The following UGT3A1 variants were observed in gnomAD, a reference collection of about 807,000 sequenced individuals.
UGT3A1 encodes UDP glycosyltransferase family 3 member A1.
UGT3A1 carries 40 observed loss-of-function variants against 37.6 expected under a neutral mutation model. The ratio of observed to expected loss-of-function variants is 1.06; its 90% CI spans 0.83 to 1.38. The LOEUF (loss-of-function observed/expected upper bound fraction) is 1.38. Ranked by LOEUF, UGT3A1 falls within the 40% of genes most tolerant of loss-of-function variation. UGT3A1 has a pLI of 0.00. For missense variants in UGT3A1, 642 were observed against 634.2 expected, an observed-to-expected ratio of 1.01 and a Z score of -0.13; for synonymous variants, 256 against 232.3, an observed-to-expected ratio of 1.10 and a Z score of -0.93.
At chr5:35,967,089 T>C (rs1739837321) in intron 3 of UGT3A1, among the ~76,000 whole-genome samples, 1 of 152,142 alleles carries the variant, frequency 6.6e-6, no homozygotes, top group Admixed American at 6.5e-5. Context: ...TCCCAGTAAC[T>C]TAGAAAATAT....
intron 2 of UGT3A1, among the ~76,000 whole-genome samples, chr5:35,972,372 A>C (rs1482588005): frequency 6.6e-6 from 1 of 152,138 alleles, no homozygotes; most frequent in Non-Finnish European, 1.5e-5. Context: ...CAGAGGAAAA[A>C]AAAAATTCTG....
chr5:35,979,007 A>T (rs555290839), intron 2 of UGT3A1, among the ~76,000 whole-genome samples: 181 of 152,216 alleles, frequency 1.2e-3, no homozygotes, highest in African/African-American at 4.1e-3. Context: ...CTCCAAAATG[A>T]TCTCCTTTGA....
intron 2 of UGT3A1, among the ~76,000 whole-genome samples, chr5:35,987,394 A>G (rs775136878): frequency 1.3e-5 from 2 of 152,212 alleles, no homozygotes; most frequent in Non-Finnish European, 2.9e-5. Context: ...AAAGCTGAAC[A>G]GATTCATGAA....
At chr5:35,986,848 A>G (rs1473051234) in intron 2 of UGT3A1, among the ~76,000 whole-genome samples, 1 of 152,142 alleles carries the variant, frequency 6.6e-6, no homozygotes, top group East Asian at 1.9e-4. Context: ...TAGAATAAAG[A>G]AAAAACAAAT....
chr5:35,991,491 G>T (rs1361858883), upstream of UGT3A1: 8 of 1,314,696 alleles, frequency 6.1e-6, no homozygotes, highest in East Asian at 1.8e-4. Context: ...GGAGGGGGTT[G>T]GTAACCTGAT....
chr5:35,955,805 T>A lies in UGT3A1; in HGVS notation c.1135A>T (p.Ile379Phe). The change falls in exon 6 of 7, where the codon ATC (isoleucine) becomes TTC (phenylalanine). Residue 379 changes from isoleucine (I) to phenylalanine (F), a missense_variant. Transcript: ENST00000274278. ...HGGQNSVMEA[I>F]RHGVPMVGLP... ...CCCACCATGGGCACACCATGACGGA[T>A]GGCCTCCATTACGCTGTTCTGCCCA... The A allele has an allele frequency of 6.2e-7, 1 of 1,614,236 alleles. No individual in the cohort carries two copies. Among genetic ancestry groups the A allele is most frequent in the Non-Finnish European group, 8.5e-7 (1 of 1,180,050 alleles).
In UGT3A1 at chr5:35,961,523, C is replaced by A. The variant is rs542747297; in HGVS notation, c.843+3863G>T. 15 of 152,258 alleles carry A rather than the reference C, an allele frequency of 9.9e-5. 1 individual carries two copies. The South Asian group carries it at 2.9e-3, about 29-fold the overall frequency. 9.4% of individuals were successfully genotyped at this position (152,258 alleles called of 1,614,324 possible). On this transcript the variant is annotated intron_variant, in intron 4 of 6. Transcript: ENST00000274278. ...CCATTCTGCTTTGAGCTGTTTCACC[C>A]TGGTGAAAGAAATTAAACCTTGTAT...
intron 6 of UGT3A1, chr5:35,954,870 T>C (rs1237690001): frequency 5.7e-6 from 1 of 175,584 alleles, no homozygotes; most frequent in African/African-American, 2.4e-5. Flanking sequence ...CAGTCCTTCT[T>C]GATTATAAGA....
intron 1 of UGT3A1, among the ~76,000 whole-genome samples, chr5:36,000,468 C>G (rs1028914191): frequency 6.6e-6 from 1 of 152,154 alleles, no homozygotes; most frequent in African/African-American, 2.4e-5. Flanking sequence ...AGGTCCCATA[C>G]CAGGTACCAT....
At chr5:35,999,100 G>A (rs912098378) in intron 1 of UGT3A1, among the ~76,000 whole-genome samples, 1 of 151,938 alleles carries the variant, frequency 6.6e-6, no homozygotes, top group Non-Finnish European at 1.5e-5. Flanking sequence ...AGCCGGGCAT[G>A]GTGGCCGGCG....
Position 35,977,096 on chromosome 5 carries a change from G to C in UGT3A1, c.197-8963C>G, listed in dbSNP as rs1740316704. On this transcript the variant is annotated intron_variant, in intron 2 of 6. Transcript: ENST00000274278. ...AAGAAAAGAAAGAAAGAAAGAGAAA[G>C]AAAGAAAGAGAAAGAGAGAAAGAAA... Among the ~76,000 whole-genome samples the C allele has an allele frequency of 3.6e-5, 2 of 55,186 alleles. 1 individual carries two copies. The highest frequency in any genetic ancestry group is 8.4e-5 in the Non-Finnish European group (2 of 23,748). The allele number at this position is 55,186 out of a possible 152,430, so 36.2% of individuals were successfully genotyped here. A position where few individuals can be genotyped will look rare whatever the true frequency, so the allele number is the denominator to read the frequency against.
chr5:35,987,123 A>T (rs996402088), intron 2 of UGT3A1, among the ~76,000 whole-genome samples: 7 of 152,146 alleles, frequency 4.6e-5, no homozygotes, highest in African/African-American at 1.7e-4. Flanking sequence ...CCCTGAAGTC[A>T]TTTATTTATT....
chr5:35,956,630 G>A (rs1014935991), intron 5 of UGT3A1, among the ~76,000 whole-genome samples: 15 of 152,134 alleles, frequency 9.9e-5, no homozygotes, highest in African/African-American at 3.6e-4. Context: ...TCAATACCTG[G>A]CTATGTGATT....
At chr5:35,978,636 A>G (rs1218203858) in intron 2 of UGT3A1, among the ~76,000 whole-genome samples, 3 of 152,162 alleles carry the variant, frequency 2.0e-5, no homozygotes, top group Non-Finnish European at 2.9e-5. Flanking sequence ...ATAACATGTG[A>G]AAGTGCAAGA....
chr5:35,969,231 G>A (rs565020445), intron 2 of UGT3A1, among the ~76,000 whole-genome samples: 1 of 152,234 alleles, frequency 6.6e-6, no homozygotes, highest in African/African-American at 2.4e-5. Flanking sequence ...ATGGTCCACT[G>A]GGACCTCAGA....
upstream of UGT3A1, among the ~76,000 whole-genome samples, chr5:35,994,433 G>T (rs1379229855): frequency 6.7e-6 from 1 of 149,960 alleles, no homozygotes; most frequent in Non-Finnish European, 1.5e-5. Flanking sequence ...CATGAGGGTG[G>T]AATTCTCCAC....
chr5:35,969,840 A>G (rs1157623257), intron 2 of UGT3A1, among the ~76,000 whole-genome samples: 1 of 152,224 alleles, frequency 6.6e-6, no homozygotes, highest in Non-Finnish European at 1.5e-5. Context: ...AATATAATAT[A>G]GACGGCAAAT....
chr5:35,994,421 C>G (rs958552160), upstream of UGT3A1, among the ~76,000 whole-genome samples: 3 of 151,364 alleles, frequency 2.0e-5, no homozygotes, highest in African/African-American at 7.3e-5. Flanking sequence ...AACCCTCTAG[C>G]TCATGAGGGT....
chr5:35,970,224 A>C (rs1349534438), intron 2 of UGT3A1, among the ~76,000 whole-genome samples: 5 of 152,080 alleles, frequency 3.3e-5, no homozygotes, highest in Admixed American at 2.0e-4. Context: ...CCCCATCTCT[A>C]CTAAAAATAC....
Sources: gnomAD v4.1 joint callset for allele counts (sites outside exome capture counted in the v4.1 genomes callset) on GRCh38, gnomAD v4.1.1 for gene constraint, MANE v1.5 for transcripts, NCBI Gene and HGNC (gene_info 2026-07-23, HGNC 2026-07-21) for gene names.